Variants in OR6C1 observed in about 807,000 individuals in gnomAD.
OR6C1 encodes olfactory receptor family 6 subfamily C member 1.
For synonymous variants in OR6C1, 157 were observed against 133.3 expected (o/e 1.18, Z -1.22); for missense variants, 386 against 366.1 (o/e 1.05, Z -0.44).
intron 1 of OR6C1, among the ~76,000 whole-genome samples, chr12:55,315,202 G>A (rs1868389029): frequency 6.6e-6 from 1 of 151,634 alleles, no homozygotes. Context: ...TTTAAACAGA[G>A]AAAACTGAAA....
intron 1 of OR6C1, among the ~76,000 whole-genome samples, chr12:55,315,260 T>G (rs1448977254): frequency 6.6e-6 from 1 of 151,714 alleles, no homozygotes; most frequent in Admixed American, 6.6e-5. Flanking sequence ...CCATTAAATG[T>G]CTCATTCATA....
intron 1 of OR6C1, among the ~76,000 whole-genome samples, chr12:55,315,635 TA>T (rs1868396523): frequency 6.6e-6 from 1 of 151,704 alleles, no homozygotes; most frequent in Non-Finnish European, 1.5e-5. Context: ...AATAGTCATC[TA>T]AAATTGTTAT....
intron 1 of OR6C1, among the ~76,000 whole-genome samples, chr12:55,317,114 AT>A (rs909062139): frequency 4.6e-5 from 7 of 151,954 alleles, no homozygotes; most frequent in African/African-American, 1.7e-4. Context: ...TATAATATAT[AT>A]TTTTTAAAAA....
chr12:55,314,494 T>A lies in OR6C1; in HGVS notation c.-139T>A, dbSNP rs1330238988. The A allele has an allele frequency of 2.0e-5, 3 of 151,568 alleles. No homozygotes were observed. Among genetic ancestry groups the A allele is most frequent in the African/African-American group, 7.3e-5 (3 of 41,342 alleles). The allele number at this position is 151,568 out of a possible 1,614,324, so 9.4% of individuals were successfully genotyped here. A position where few individuals can be genotyped will look rare whatever the true frequency, so the allele number is the denominator to read the frequency against. On this transcript the variant is annotated 5_prime_UTR_variant, in exon 1 of 2. The change abolishes the stop of an existing upstream ORF in the 5' untranslated region. Transcript: ENST00000642104. ...GAAGAAAATTTCTTCAATGAGAAAG[T>A]GAATGTTTTCAGAAATCCTGGTTTT... is the stretch of plus-strand genomic sequence containing the variant.
In OR6C1 at chr12:55,315,573, G is replaced by T. The variant is rs147953047; in HGVS notation, c.-34+974G>T. 7.4e-4 allele frequency among the ~76,000 whole-genome samples: 113 copies of T among 151,782 alleles called. 1 individual carries two copies. In the East Asian group the frequency reaches 0.018, roughly 24 times the overall value. On this transcript the variant is annotated intron_variant, in intron 1 of 1. Transcript: ENST00000642104. The stretch of plus-strand genomic sequence containing the variant: ...TGTATGAAGGTTGAGAATTAAACCT[G>T]CCCATCATTATCGAAAGGAAGAAAT...
intron 1 of OR6C1, among the ~76,000 whole-genome samples, chr12:55,318,770 CTA>C (rs1184947825): frequency 4.0e-5 from 6 of 150,956 alleles, no homozygotes; most frequent in African/African-American, 1.5e-4. Flanking sequence ...CTCACAAAAA[CTA>C]TGAGACAGAC....
At position 55,321,019 on chromosome 12, in the gene OR6C1, A is replaced by G; in HGVS notation, c.420A>G (p.Thr140=). The part of the protein sequence containing the change: ...CLSIMNRRVC[T]LLVFTSWLVS... Reference sequence around the variant, plus strand: ...GTATCATGAATCGAAGAGTCTGCACACTGCTTGTTTTTACTTCTTGGCTGG... The same window carrying G: ...GTATCATGAATCGAAGAGTCTGCACGCTGCTTGTTTTTACTTCTTGGCTGG... The change falls in exon 2 of 2, where the codon ACA becomes ACG. Residue 140 remains threonine (T), a synonymous_variant. Coordinates refer to ENST00000642104, the MANE Select transcript of OR6C1 (RefSeq NM_001005182.2). The G allele has an allele frequency of 6.2e-7, 1 of 1,613,742 alleles. No individual in the cohort carries two copies. Among genetic ancestry groups the G allele is most frequent in the East Asian group, 2.2e-5 (1 of 44,824 alleles).
At chr12:55,317,970 T>C (rs866272895) in intron 1 of OR6C1, among the ~76,000 whole-genome samples, 23 of 148,108 alleles carry the variant, frequency 1.6e-4, no homozygotes, top group Non-Finnish European at 2.7e-4. Flanking sequence ...CACACACACA[T>C]ATATACACAT....
chr12:55,319,602 C>T (rs1868485923), intron 1 of OR6C1, among the ~76,000 whole-genome samples: 2 of 152,150 alleles, frequency 1.3e-5, no homozygotes, highest in East Asian at 1.9e-4. Context: ...TAAAACTACC[C>T]ATAGGATACC....
Position 55,320,778 on chromosome 12 carries a change from T to C in OR6C1, c.179T>C (p.Phe60Ser). 6.2e-7 allele frequency: 1 copy of C among 1,614,096 alleles called. No homozygotes were observed. The highest frequency in any genetic ancestry group is 1.1e-5 in the South Asian group (1 of 91,056). The change falls in exon 2 of 2, where the codon TTC (phenylalanine) becomes TCC (serine). Residue 60 changes from phenylalanine to serine, a missense_variant. Coordinates refer to ENST00000642104, the MANE Select transcript of OR6C1 (RefSeq NM_001005182.2). ...DSHLQTPMYF[F>S]LRNFSILEIS... ...CACCTGCAGACCCCCATGTATTTCT[T>C]CCTCAGAAATTTCTCCATATTAGAA... is the stretch of plus-strand genomic sequence containing the variant.
At chr12:55,316,127 ACACC>A (rs62996961) in intron 1 of OR6C1, among the ~76,000 whole-genome samples, 6,833 of 135,024 alleles carry the variant, frequency 0.051, 339 homozygotes, top group African/African-American at 0.18. Context: ...ACACACACAC[ACACC>A]CCCCGAGAGA....
intron 1 of OR6C1, among the ~76,000 whole-genome samples, chr12:55,317,005 T>A (rs994865446): frequency 6.6e-6 from 1 of 151,904 alleles, no homozygotes; most frequent in Non-Finnish European, 1.5e-5. Context: ...TAAAAAAAAT[T>A]AGCAGGGAAT....
rs150485936 is a variant in OR6C1 at position 55,320,152 on chromosome 12, A to T, written c.-33-415A>T. On this transcript the variant is annotated intron_variant, in intron 1 of 1. Transcript: ENST00000642104. The stretch of plus-strand genomic sequence containing the variant: ...TGAGACTCCACCTCAAAAAAAAACA[A>T]CCTCAAGTATCTTCTCCATATTGAG... Among the ~76,000 whole-genome samples, 16 of 152,168 alleles carry T rather than the reference A, an allele frequency of 1.1e-4. No homozygotes were observed. In the East Asian group the frequency reaches 3.1e-3, roughly 29 times the overall value.
intron 1 of OR6C1, among the ~76,000 whole-genome samples, chr12:55,316,904 T>C (rs770365351): frequency 6.6e-6 from 1 of 151,868 alleles, no homozygotes; most frequent in African/African-American, 2.4e-5. Context: ...AATAACAACT[T>C]ATATCTTCCC....
At chr12:55,317,952 TACACAC>T (rs61539539) in intron 1 of OR6C1, among the ~76,000 whole-genome samples, 2 of 146,108 alleles carry the variant, frequency 1.4e-5, no homozygotes, top group African/African-American at 5.0e-5. Flanking sequence ...TGTATATATA[TACACAC>T]ACACACACAC....
intron 1 of OR6C1, among the ~76,000 whole-genome samples, chr12:55,319,122 A>T (rs1868471736): frequency 6.6e-6 from 1 of 152,124 alleles, no homozygotes; most frequent in East Asian, 1.9e-4. Flanking sequence ...TTATAAAATG[A>T]CACATAGGTA....
rs1303795882 is a variant in OR6C1 at position 55,321,242 on chromosome 12, T to C, written c.643T>C (p.Ser215Pro). Residue 215 changes from serine to proline, a missense_variant, in exon 2 of 2, where the codon TCC (serine) becomes CCC (proline). By Grantham distance (74) the Ser-to-Pro change is moderately conservative. Coordinates refer to ENST00000642104, the MANE Select transcript of OR6C1 (RefSeq NM_001005182.2). ...GTTCACTTTGGCATTAATATTTCTG[T>C]CCTACATATACATTATCAGAACAAT... ...LMFTLALIFL[S>P]YIYIIRTILR... 6.2e-7 allele frequency: 1 copy of C among 1,613,972 alleles called. No individual in the cohort carries two copies. Among genetic ancestry groups the C allele is most frequent in the African/African-American group, 1.3e-5 (1 of 75,060 alleles).
rs200173757 is a variant in OR6C1 at position 55,320,977 on chromosome 12, G to A, written c.378G>A (p.Lys126=). 2.5e-5 allele frequency: 41 copies of A among 1,613,888 alleles called. No homozygotes were observed. The highest frequency in any genetic ancestry group is 3.3e-4 in the Middle Eastern group (2 of 6,082). ...MSYDRYVAIC[K]PLHCLSIMNR... is the part of the protein sequence containing the mutation. ...ATGACCGCTATGTGGCCATCTGCAA[G>A]CCTCTGCATTGCTTGAGTATCATGA... Residue 126 remains lysine (K), a synonymous_variant, in exon 2 of 2, where the codon AAG becomes AAA. Coordinates refer to ENST00000642104, the MANE Select transcript of OR6C1 (RefSeq NM_001005182.2).
At chr12:55,315,479 G>A (rs1445047940) in intron 1 of OR6C1, among the ~76,000 whole-genome samples, 1 of 151,608 alleles carries the variant, frequency 6.6e-6, no homozygotes, top group Admixed American at 6.6e-5. Context: ...AGAAATGAGT[G>A]TTACTATTTA....
Sources: gnomAD v4.1 joint callset for allele counts (sites outside exome capture counted in the v4.1 genomes callset) on GRCh38, gnomAD v4.1.1 for gene constraint, MANE v1.5 for transcripts, NCBI Gene and HGNC (gene_info 2026-07-23, HGNC 2026-07-21) for gene names.